Variants in AGBL1 observed in about 807,000 individuals in gnomAD.
AGBL1 encodes the protein cytosolic carboxypeptidase 4.
In AGBL1, 130 loss-of-function variants were observed where a neutral mutation model predicts 118.9. That is an observed-to-expected ratio of 1.09 (90% CI 0.95 to 1.26). The LOEUF (loss-of-function observed/expected upper bound fraction) is 1.26. AGBL1 is among the 50% of genes most tolerant of loss of function. The pLI is 0.00. For synonymous variants in AGBL1, 555 were observed against 478.9 expected, an observed-to-expected ratio of 1.16 and a Z score of -2.08; for missense variants, 1,584 against 1,298.1, an observed-to-expected ratio of 1.22 and a Z score of -3.38.
intron 23 of AGBL1, among the ~76,000 whole-genome samples, chr15:86,949,969 G>C (rs2080862080): frequency 6.6e-6 from 1 of 151,990 alleles, no homozygotes; most frequent in African/African-American, 2.4e-5. Context: ...GATTACAGTG[G>C]AATCAAGCTA....
chr15:86,881,793 G>A (rs536177505), intron 22 of AGBL1, among the ~76,000 whole-genome samples: 66 of 152,156 alleles, frequency 4.3e-4, no homozygotes, highest in Middle Eastern at 3.4e-3. Flanking sequence ...GTGCCACCAC[G>A]CCCGACTAAT....
intron 17 of AGBL1, among the ~76,000 whole-genome samples, chr15:86,347,693 C>T (rs1282927881): frequency 6.6e-6 from 1 of 152,058 alleles, no homozygotes; most frequent in Non-Finnish European, 1.5e-5. Context: ...TCCATCTGAC[C>T]CTTTTCCTCT....
chr15:86,462,352 CT>C (rs1274201595), intron 18 of AGBL1, among the ~76,000 whole-genome samples: 2 of 152,104 alleles, frequency 1.3e-5, no homozygotes, highest in African/African-American at 4.8e-5. Flanking sequence ...AAGCTCTCTC[CT>C]TTATTTAAGT....
At chr15:86,271,410 A>G (rs1198684330) in intron 14 of AGBL1, among the ~76,000 whole-genome samples, 3 of 152,096 alleles carry the variant, frequency 2.0e-5, no homozygotes, top group African/African-American at 2.4e-5. Context: ...CCCTTTCACA[A>G]GGATATTTAT....
At chr15:86,134,405 A>T (rs887249572) in intron 1 of AGBL1, among the ~76,000 whole-genome samples, 1 of 152,108 alleles carries the variant, frequency 6.6e-6, no homozygotes, top group African/African-American at 2.4e-5. Context: ...ATAGAATGTT[A>T]TGGGCTTGTT....
chr15:86,428,224 T>C (rs2081891095), intron 18 of AGBL1, among the ~76,000 whole-genome samples: 1 of 152,202 alleles, frequency 6.6e-6, no homozygotes, highest in African/African-American at 2.4e-5. Flanking sequence ...TTTGGAATCC[T>C]CATGCAGCAC....
intron 5 of AGBL1, among the ~76,000 whole-genome samples, chr15:86,221,779 T>C (rs1288442239): frequency 6.6e-6 from 1 of 152,142 alleles, no homozygotes; most frequent in East Asian, 1.9e-4. Context: ...AAAGCACTTA[T>C]ATCACATTCC....
chr15:86,455,698 T>A (rs1406216529), intron 18 of AGBL1, among the ~76,000 whole-genome samples: 1 of 152,110 alleles, frequency 6.6e-6, no homozygotes. Flanking sequence ...TGCTGTGTAG[T>A]CTATAAAAAT....
chr15:86,745,361 G>C (rs1348661008), intron 22 of AGBL1, among the ~76,000 whole-genome samples: 1 of 151,976 alleles, frequency 6.6e-6, no homozygotes, highest in East Asian at 1.9e-4. Flanking sequence ...CACAAGTATA[G>C]AAAATATTAA....
At chr15:86,145,875 G>T (rs972740893) in intron 3 of AGBL1, among the ~76,000 whole-genome samples, 2 of 152,192 alleles carry the variant, frequency 1.3e-5, no homozygotes, top group African/African-American at 4.8e-5. Flanking sequence ...TATGATGAGG[G>T]CTGTAAGAGG....
At chr15:86,096,791 T>C (rs1200563740) in intron 1 of AGBL1, among the ~76,000 whole-genome samples, 2 of 152,146 alleles carry the variant, frequency 1.3e-5, no homozygotes, top group Non-Finnish European at 2.9e-5. Flanking sequence ...CTTCCTTGAG[T>C]AACCTAGTAT....
intron 1 of AGBL1, among the ~76,000 whole-genome samples, chr15:86,139,057 A>G (rs1156849680): frequency 2.0e-5 from 3 of 152,200 alleles, no homozygotes; most frequent in Non-Finnish European, 2.9e-5. Context: ...GTACACGTAT[A>G]TATCACAGTT....
chr15:86,716,138 T>A (rs879301854), intron 22 of AGBL1, among the ~76,000 whole-genome samples: 13 of 152,236 alleles, frequency 8.5e-5, no homozygotes, highest in Middle Eastern at 6.8e-3. Context: ...GGTAGTAATA[T>A]CTATATTTTA....
At chr15:86,219,945 C>CTTTTTTTT (rs68023928) in intron 5 of AGBL1, among the ~76,000 whole-genome samples, 1 of 85,778 alleles carries the variant, frequency 1.2e-5, no homozygotes, top group East Asian at 4.1e-4. Flanking sequence ...AATGCTGCCT[C>CTTTTTTTT]TTTTTTTTTT....
At chr15:86,237,321 G>A (rs1377971278) in intron 6 of AGBL1, among the ~76,000 whole-genome samples, 1 of 152,208 alleles carries the variant, frequency 6.6e-6, no homozygotes, top group Non-Finnish European at 1.5e-5. Flanking sequence ...ACAATGCAGT[G>A]TGAACCGATT....
intron 21 of AGBL1, among the ~76,000 whole-genome samples, chr15:86,605,992 T>C (rs2084570839): frequency 6.6e-6 from 1 of 151,898 alleles, no homozygotes; most frequent in Non-Finnish European, 1.5e-5. Context: ...CCTGGCGTGG[T>C]GGCAGGCACC....
At chr15:86,089,705 A>G (rs1895892518) in intron 1 of AGBL1, among the ~76,000 whole-genome samples, 1 of 152,112 alleles carries the variant, frequency 6.6e-6, no homozygotes, top group African/African-American at 2.4e-5. Flanking sequence ...AATCGGTGCT[A>G]GCTCAATGCC....
At chr15:86,794,357 A>G (rs1567177178) in intron 22 of AGBL1, among the ~76,000 whole-genome samples, 1 of 152,258 alleles carries the variant, frequency 6.6e-6, no homozygotes, top group Non-Finnish European at 1.5e-5. Flanking sequence ...ACAGAAGGCC[A>G]CAGAGAAGAT....
At chr15:86,949,799 T>C (rs1421681188) in intron 23 of AGBL1, among the ~76,000 whole-genome samples, 2 of 152,114 alleles carry the variant, frequency 1.3e-5, no homozygotes, top group African/African-American at 4.8e-5. Flanking sequence ...TTATGAGCCT[T>C]TGTATATGAA....
Sources: gnomAD v4.1 joint callset for allele counts (sites outside exome capture counted in the v4.1 genomes callset) on GRCh38, gnomAD v4.1.1 for gene constraint, MANE v1.5 for transcripts, NCBI Gene and HGNC (gene_info 2026-07-23, HGNC 2026-07-21) for gene names.